LUZP2: variants seen among roughly 807,000 people sequenced by gnomAD.
LUZP2 encodes the protein leucine zipper protein 2.
A neutral mutation model predicts 51.6 loss-of-function variants in LUZP2; 52 were observed. The observed-to-expected ratio is 1.01, with a 90% CI of 0.81 to 1.27. The LOEUF is 1.27. Among genes scored for constraint, LUZP2 ranks in the 50% most tolerant of loss-of-function variants. LUZP2 has a pLI of 0.00. For synonymous variants in LUZP2, 154 were observed against 137.3 expected (o/e 1.12, Z -0.85); for missense variants, 436 against 395.4 (o/e 1.10, Z -0.87).
In LUZP2 at chr11:24,875,883, T is replaced by C. The variant is rs1590672944; in HGVS notation, c.397-30108T>C. ...GGTGAGCATTTTTTCATGTGTTTTTTGGCTGCATAAATGTCTTCTTTTGAG... is the reference window on the plus strand; with the variant it reads ...GGTGAGCATTTTTTCATGTGTTTTTCGGCTGCATAAATGTCTTCTTTTGAG... On this transcript the variant is annotated intron_variant, in intron 5 of 11. Coordinates refer to ENST00000336930, the MANE Select transcript of LUZP2 (RefSeq NM_001009909.4). Among the ~76,000 whole-genome samples the C allele has an allele frequency of 1.4e-4, 22 of 152,016 alleles. No individual in the cohort carries two copies. The South Asian group carries it at 4.6e-3, about 32-fold the overall frequency.
At chr11:24,700,396 G>A (rs1284109926) in intron 1 of LUZP2, among the ~76,000 whole-genome samples, 1 of 152,088 alleles carries the variant, frequency 6.6e-6, no homozygotes, top group Non-Finnish European at 1.5e-5. Context: ...CATAGTTCAA[G>A]CATTAGCAGC....
intron 7 of LUZP2, among the ~76,000 whole-genome samples, chr11:24,954,229 G>A (rs1855156347): frequency 6.6e-6 from 1 of 152,012 alleles, no homozygotes; most frequent in East Asian, 1.9e-4. Flanking sequence ...AAGGAGGACA[G>A]GTATTTTGTT....
At position 24,627,776 on chromosome 11, in the gene LUZP2, G is replaced by A. The variant is rs115221118; in HGVS notation, c.63-101393G>A. On this transcript the variant is annotated intron_variant, in intron 1 of 11. Transcript: ENST00000336930. ...CTTTAGAATAAGGTAGCCTTACAAG[G>A]TCATGCCACATATGACACCCATTGG... Among the ~76,000 whole-genome samples the A allele has an allele frequency of 4.0e-3, 603 of 152,166 alleles. 4 individuals are homozygous for A. Among genetic ancestry groups the A allele is most frequent in the African/African-American group, 0.014 (567 of 41,528 alleles).
chr11:24,514,015 T>G lies in LUZP2; in HGVS notation c.62+16710T>G, dbSNP rs12419417. The stretch of plus-strand genomic sequence containing the variant: ...AGGATTCCCTGGCTATGTTCTATAA[T>G]AAGAAGCTGATCTGGCTGGGGATAC... On this transcript the variant is annotated intron_variant, in intron 1 of 11. Transcript: ENST00000336930. Among the ~76,000 whole-genome samples the G allele has an allele frequency of 8.5e-3, 1,287 of 152,298 alleles. 62 individuals carry two copies. In the East Asian group the frequency reaches 0.13, roughly 16 times the overall value.
intron 4 of LUZP2, among the ~76,000 whole-genome samples, chr11:24,742,336 C>T (rs1287950374): frequency 6.6e-6 from 1 of 151,754 alleles, no homozygotes; most frequent in Admixed American, 6.6e-5. Flanking sequence ...AAAGTGTTCC[C>T]TGATCACTGC....
intron 4 of LUZP2, among the ~76,000 whole-genome samples, chr11:24,744,441 G>T (rs182326226): frequency 6.6e-6 from 1 of 152,048 alleles, no homozygotes; most frequent in Non-Finnish European, 1.5e-5. Context: ...AGCTAGGAGG[G>T]TGGTATTTTT....
chr11:24,860,605 T>C (rs1851711756), intron 5 of LUZP2, among the ~76,000 whole-genome samples: 1 of 152,156 alleles, frequency 6.6e-6, no homozygotes, highest in African/African-American at 2.4e-5. Context: ...CCATCTTTGC[T>C]ATTCTCCAGC....
At chr11:24,624,512 G>A (rs35519072) in intron 1 of LUZP2, among the ~76,000 whole-genome samples, 1 of 152,094 alleles carries the variant, frequency 6.6e-6, no homozygotes. Context: ...ATATATATAA[G>A]AACTGAGCTT....
chr11:24,737,915 A>C (rs913513174), intron 3 of LUZP2, among the ~76,000 whole-genome samples: 1 of 152,098 alleles, frequency 6.6e-6, no homozygotes, highest in Non-Finnish European at 1.5e-5. Context: ...TTCAACTTGA[A>C]TTATATATTG....
At chr11:24,999,327 A>G (rs1336982971) in intron 9 of LUZP2, among the ~76,000 whole-genome samples, 3 of 151,968 alleles carry the variant, frequency 2.0e-5, no homozygotes, top group Non-Finnish European at 2.9e-5. Context: ...GGGAAGAAGA[A>G]GGGGAAGAAG....
At chr11:24,661,737 C>T (rs1565061428) in intron 1 of LUZP2, among the ~76,000 whole-genome samples, 1 of 152,070 alleles carries the variant, frequency 6.6e-6, no homozygotes, top group Non-Finnish European at 1.5e-5. Context: ...TAAAATAAAG[C>T]TTTTATAAAT....
intron 5 of LUZP2, among the ~76,000 whole-genome samples, chr11:24,881,598 C>T (rs898243302): frequency 2.6e-5 from 4 of 151,986 alleles, no homozygotes; most frequent in African/African-American, 9.7e-5. Flanking sequence ...AACATTTACT[C>T]ACCACTTCTG....
At chr11:25,055,256 G>A (rs554630363) in intron 10 of LUZP2, among the ~76,000 whole-genome samples, 16 of 151,906 alleles carry the variant, frequency 1.1e-4, no homozygotes, top group African/African-American at 1.4e-4. Flanking sequence ...TGATCCACCC[G>A]CCTTAGCCTC....
At position 24,906,045 on chromosome 11, in the gene LUZP2, G is replaced by A. The variant is rs771650801; in HGVS notation, c.451G>A (p.Ala151Thr). The A allele has an allele frequency of 1.9e-5, 30 of 1,611,618 alleles. No homozygotes were observed. Among genetic ancestry groups the A allele is most frequent in the South Asian group, 9.9e-5 (9 of 90,820 alleles). Residue 151 changes from alanine (A) to threonine (T), a missense_variant, in exon 6 of 12, where the codon GCA becomes ACA. Transcript: ENST00000336930. ...AGGAAACAAGCTCTGTGGCATTCAC[G>A]CAGAAGAGGTGAGTAAATTTTTGCT... ...LSGNKLCGIH[A>T]EESKKIQAQL...
chr11:24,541,623 C>T lies in LUZP2; in HGVS notation c.62+44318C>T, dbSNP rs184640754. ...CATGCCTGTATATTTGTCCACAAAACAATTGATTATGTTGACTACTGAAGA... is the reference window on the plus strand; with the variant it reads ...CATGCCTGTATATTTGTCCACAAAATAATTGATTATGTTGACTACTGAAGA... On this transcript the variant is annotated intron_variant, in intron 1 of 11. Transcript: ENST00000336930. Among the ~76,000 whole-genome samples, 374 of 152,152 alleles carry T rather than the reference C, an allele frequency of 2.5e-3. 2 individuals are homozygous for T. The highest frequency in any genetic ancestry group is 8.7e-3 in the African/African-American group (361 of 41,514).
At chr11:24,497,589 A>C (rs1054184902) in intron 1 of LUZP2, among the ~76,000 whole-genome samples, 1 of 152,322 alleles carries the variant, frequency 6.6e-6, no homozygotes, top group Admixed American at 6.5e-5. Context: ...CGGTCCTATT[A>C]GTAGCCAAAA....
At chr11:24,566,980 T>A (rs1293593980) in intron 1 of LUZP2, among the ~76,000 whole-genome samples, 48 of 106,882 alleles carry the variant, frequency 4.5e-4, no homozygotes, top group African/African-American at 1.8e-3. Context: ...TATGTATATA[T>A]ATAATGTATA....
chr11:24,566,947 A>ATG (rs1852262018), intron 1 of LUZP2, among the ~76,000 whole-genome samples: 5 of 2,896 alleles, frequency 1.7e-3, no homozygotes, highest in South Asian at 0.015. Flanking sequence ...ATACATAAAT[A>ATG]TATATATATA....
intron 1 of LUZP2, among the ~76,000 whole-genome samples, chr11:24,561,828 A>AATAATAATAATAATAATAATGATG (rs148194595): frequency 3.8e-4 from 58 of 151,166 alleles, no homozygotes; most frequent in Non-Finnish European, 7.7e-4. Flanking sequence ...TAATAATAAT[A>AATAATAATAATAATAATAATGATG]ATGATAATAA....
Sources: allele counts gnomAD v4.1 joint callset (sites outside exome capture counted in the v4.1 genomes callset), GRCh38; gene constraint gnomAD v4.1.1; transcripts MANE v1.5; gene names NCBI Gene and HGNC (gene_info 2026-07-23, HGNC 2026-07-21).